Variants in CHST3 observed in about 807,000 individuals in gnomAD.
CHST3 encodes the protein carbohydrate sulfotransferase 3, also known as C6ST-1.
CHST3 carries 20 observed loss-of-function variants against 35.4 expected under a neutral mutation model. The ratio of observed to expected loss-of-function variants is 0.57; its 90% CI spans 0.40 to 0.82. The LOEUF is 0.82. Among genes scored for constraint, CHST3 ranks in the 40% least tolerant of loss-of-function variants. The pLI is 0.00. For synonymous variants in CHST3, 334 were observed against 295.9 expected, an observed-to-expected ratio of 1.13 and a Z score of -1.32; for missense variants, 693 against 670.1, an observed-to-expected ratio of 1.03 and a Z score of -0.38.
At chr10:71,970,869 C>T (rs1396786343) in intron 1 of CHST3, among the ~76,000 whole-genome samples, 1 of 152,158 alleles carries the variant, frequency 6.6e-6, no homozygotes, top group Non-Finnish European at 1.5e-5. Flanking sequence ...GTGAGCAAAC[C>T]CTCATAGATT....
intron 1 of CHST3, among the ~76,000 whole-genome samples, chr10:72,000,905 G>A (rs1353249742): frequency 2.6e-5 from 4 of 152,070 alleles, no homozygotes; most frequent in East Asian, 1.9e-4. Context: ...GGGCCTCAGC[G>A]GGGAGGGAGG....
chr10:72,005,321 G>GTGTT (rs1840028352), intron 1 of CHST3, among the ~76,000 whole-genome samples: 1 of 151,774 alleles, frequency 6.6e-6, no homozygotes, highest in Non-Finnish European at 1.5e-5. Context: ...GTGTGTGTGT[G>GTGTT]TTCTCATGTA....
At chr10:71,974,080 G>A (rs988332529) in intron 1 of CHST3, among the ~76,000 whole-genome samples, 1 of 152,198 alleles carries the variant, frequency 6.6e-6, no homozygotes, top group African/African-American at 2.4e-5. Flanking sequence ...GAAGACATGG[G>A]AATAAAATGT....
At chr10:71,966,948 G>C (rs1839637335) in intron 1 of CHST3, among the ~76,000 whole-genome samples, 1 of 152,146 alleles carries the variant, frequency 6.6e-6, no homozygotes, top group South Asian at 2.1e-4. Context: ...TATGCCATGG[G>C]GGTTTGGTGT....
At chr10:71,976,908 T>C (rs987665194) in intron 1 of CHST3, among the ~76,000 whole-genome samples, 33 of 152,202 alleles carry the variant, frequency 2.2e-4, no homozygotes, top group Non-Finnish European at 4.1e-4. Flanking sequence ...TGGTGCAAAG[T>C]TGAAAAGGCA....
At chr10:71,968,708 C>T (rs977960425) in intron 1 of CHST3, among the ~76,000 whole-genome samples, 1 of 152,056 alleles carries the variant, frequency 6.6e-6, no homozygotes, top group Non-Finnish European at 1.5e-5. Flanking sequence ...TACACTCTGC[C>T]GAGCCTGGAT....
chr10:71,987,295 T>C (rs1015975675), intron 1 of CHST3, among the ~76,000 whole-genome samples: 4 of 150,582 alleles, frequency 2.7e-5, no homozygotes, highest in Admixed American at 1.4e-4. Flanking sequence ...AAAAAAAGAA[T>C]AAGAAGAAAA....
chr10:72,005,940 T>G lies in CHST3; in HGVS notation c.98T>G (p.Ile33Arg). 1 of 1,614,240 alleles carries G rather than the reference T, an allele frequency of 6.2e-7. No individual in the cohort carries two copies. Among genetic ancestry groups the G allele is most frequent in the South Asian group, 1.1e-5 (1 of 91,086 alleles). ...KYALFLVFVV[I>R]VFVFIEKENK... is the part of the protein sequence containing the mutation. Reference sequence around the variant, plus strand: ...GCCCTTTTCTTGGTTTTTGTGGTGATAGTTTTTGTCTTCATCGAAAAGGAA... The same window carrying G: ...GCCCTTTTCTTGGTTTTTGTGGTGAGAGTTTTTGTCTTCATCGAAAAGGAA... Residue 33 changes from isoleucine (I) to arginine (R), a missense_variant, in exon 2 of 3, where the codon ATA becomes AGA. Ile to Arg is a moderately conservative substitution (Grantham distance 97, BLOSUM62 -3). Transcript: ENST00000373115.
In CHST3 at chr10:72,007,605, C is replaced by G. The variant is rs1250468405; in HGVS notation, c.574C>G (p.Leu192Val). ...CTCGGCCCTGGTGTACCGCGACGTGCTCAAGCAGCTCTTCCTGTGCGACCT... is the reference window on the plus strand; with the variant it reads ...CTCGGCCCTGGTGTACCGCGACGTGGTCAAGCAGCTCTTCCTGTGCGACCT... ...AGSALVYRDV[L>V]KQLFLCDLYV... The change falls in exon 3 of 3, where the codon CTC (leucine) becomes GTC (valine). Residue 192 changes from leucine to valine, a missense_variant. By Grantham distance (32) the Leu-to-Val change is conservative (BLOSUM62 1). Coordinates refer to ENST00000373115, the MANE Select transcript of CHST3 (RefSeq NM_004273.5). The G allele has an allele frequency of 6.2e-7, 1 of 1,609,990 alleles. No individual in the cohort carries two copies. Among genetic ancestry groups the G allele is most frequent in the Non-Finnish European group, 8.5e-7 (1 of 1,179,646 alleles).
Position 72,007,469 on chromosome 10 carries a change from G to C in CHST3, c.438G>C (p.Ser146=). The C allele has an allele frequency of 6.2e-7, 1 of 1,602,244 alleles. No individual in the cohort carries two copies. The change falls in exon 3 of 3, where the codon TCG becomes TCC. Residue 146 remains serine (S), a synonymous_variant. Transcript: ENST00000373115. ...LLMATTRTGS[S]FVGEFFNQQG... The stretch of plus-strand genomic sequence containing the variant: ...TGGCCACCACGCGCACCGGCTCCTC[G>C]TTCGTGGGCGAGTTCTTCAACCAGC...
intron 1 of CHST3, among the ~76,000 whole-genome samples, chr10:71,982,813 G>A (rs1839813633): frequency 6.6e-6 from 1 of 152,220 alleles, no homozygotes; most frequent in African/African-American, 2.4e-5. Flanking sequence ...TGTTACAACA[G>A]CAGTAGGAAA....
At chr10:71,971,506 C>T (rs910867189) in intron 1 of CHST3, among the ~76,000 whole-genome samples, 1 of 152,202 alleles carries the variant, frequency 6.6e-6, no homozygotes, top group Non-Finnish European at 1.5e-5. Context: ...AGCCCCAGCC[C>T]ACACAGCTAC....
intron 1 of CHST3, among the ~76,000 whole-genome samples, chr10:71,977,346 G>A (rs1422902438): frequency 6.6e-6 from 1 of 152,174 alleles, no homozygotes; most frequent in Non-Finnish European, 1.5e-5. Context: ...TTGCAGGGCA[G>A]TAGCCACAGC....
chr10:72,009,802 T>G lies in CHST3; in HGVS notation c.*1331T>G, dbSNP rs1030379309. On this transcript the variant is annotated 3_prime_UTR_variant, in exon 3 of 3. Transcript: ENST00000373115. ...TGTGCTGGGTGTTTTGTTTCGGGCT[T>G]TTATTTATGGCTTGGTGTCTTTCTT... 1.3e-5 allele frequency: 2 copies of G among 152,918 alleles called. No individual in the cohort carries two copies. Among genetic ancestry groups the G allele is most frequent in the African/African-American group, 4.8e-5 (2 of 41,478 alleles). The allele number at this position is 152,918 out of a possible 1,614,324, so 9.5% of individuals were successfully genotyped here.
Position 71,969,375 on chromosome 10 carries a change from C to T in CHST3, c.-108+4681C>T, listed in dbSNP as rs552804164. On this transcript the variant is annotated intron_variant, in intron 1 of 2. Transcript: ENST00000373115. Reference sequence around the variant, plus strand: ...ACGTTTTCAGTCGGGGTGGTATTTTCTATCCCCGGCCCCAAGGGCTGAGAG... The same window carrying T: ...ACGTTTTCAGTCGGGGTGGTATTTTTTATCCCCGGCCCCAAGGGCTGAGAG... 1.7e-4 allele frequency among the ~76,000 whole-genome samples: 26 copies of T among 152,340 alleles called. No homozygotes were observed. In the East Asian group the frequency reaches 5.0e-3, roughly 29 times the overall value.
intron 1 of CHST3, among the ~76,000 whole-genome samples, chr10:72,000,051 G>A (rs920114154): frequency 2.0e-5 from 3 of 152,174 alleles, no homozygotes; most frequent in Admixed American, 6.5e-5. Flanking sequence ...GCCATGGTTC[G>A]CACCGTGGTC....
chr10:71,998,000 G>A (rs1193464586), intron 1 of CHST3, among the ~76,000 whole-genome samples: 2 of 152,214 alleles, frequency 1.3e-5, no homozygotes, highest in Non-Finnish European at 2.9e-5. Flanking sequence ...GTAGCCAGGC[G>A]TAGTGGCACG....
chr10:71,985,254 CT>C (rs1278916361), intron 1 of CHST3, among the ~76,000 whole-genome samples: 2 of 152,248 alleles, frequency 1.3e-5, no homozygotes, highest in Non-Finnish European at 2.9e-5. Context: ...GGCACCAAGC[CT>C]TGCATGGTCT....
rs926263457 is a variant in CHST3, at chr10:72,005,203, G to A, written c.-107-533G>A. Among the ~76,000 whole-genome samples the A allele has an allele frequency of 9.8e-5, 15 of 152,286 alleles. No individual in the cohort carries two copies. The East Asian group carries it at 2.5e-3, about 25-fold the overall frequency. ...CAAACATTCTATAATTCACAGGACA[G>A]TCCCCACTTACCTGGTGGAAAATGT... On this transcript the variant is annotated intron_variant, in intron 1 of 2. Coordinates refer to ENST00000373115, the MANE Select transcript of CHST3 (RefSeq NM_004273.5).
Sources: allele counts gnomAD v4.1 joint callset (sites outside exome capture counted in the v4.1 genomes callset), GRCh38; gene constraint gnomAD v4.1.1; transcripts MANE v1.5; gene names NCBI Gene and HGNC (gene_info 2026-07-23, HGNC 2026-07-21).